Variants in DDX59 observed in about 807,000 individuals in gnomAD.
The protein encoded by DDX59 is DEAD-box helicase 59.
In DDX59, 30 loss-of-function variants were observed where a neutral mutation model predicts 51.9. That is an observed-to-expected ratio of 0.58 (90% confidence interval 0.43 to 0.78). The LOEUF (loss-of-function observed/expected upper bound fraction) is 0.78. DDX59 is among the 30% of genes least tolerant of loss of function. DDX59 has a pLI of 0.00. For missense variants in DDX59, 672 were observed against 730.8 expected, an observed-to-expected ratio of 0.92 and a Z score of 0.93; for synonymous variants, 255 against 253.3, an observed-to-expected ratio of 1.01 and a Z score of -0.06.
chr1:200,641,762 T>A (rs138701852), downstream of DDX59, among the ~76,000 whole-genome samples: 880 of 152,074 alleles, frequency 5.8e-3, 7 homozygotes, highest in African/African-American at 0.02. Context: ...CCCAGCACTT[T>A]GGGAGGTCGA....
intron 5 of DDX59, 44 bp downstream of exon 5, chr1:200,650,381 G>A (rs749066586): frequency 2.6e-6 from 4 of 1,562,660 alleles, no homozygotes; most frequent in Non-Finnish European, 3.5e-6. Context: ...TGTGAAAAAT[G>A]CAAACACAAT....
chr1:200,663,722 G>A (rs1662521593), intron 3 of DDX59, among the ~76,000 whole-genome samples, 197 bp downstream of exon 3: 1 of 150,866 alleles, frequency 6.6e-6, no homozygotes, highest in Non-Finnish European at 1.5e-5. Context: ...CATATAATGG[G>A]CACTCAATAA....
At chr1:200,665,859 A>T in intron 2 of DDX59, 78 bp downstream of exon 2, 1 of 1,433,252 alleles carries the variant, frequency 7.0e-7, no homozygotes, top group Non-Finnish European at 9.3e-7. Context: ...CAATTTTAAT[A>T]TAGTTAAAAA....
intron 7 of DDX59, among the ~76,000 whole-genome samples, 172 bp downstream of exon 7, chr1:200,648,267 G>A (rs1661422069): frequency 6.6e-6 from 1 of 152,092 alleles, no homozygotes; most frequent in South Asian, 2.1e-4. Context: ...AACTTCATGT[G>A]ATCCATCCAT....
chr1:200,649,063 G>C lies in DDX59; in HGVS notation c.1467+11C>G. The C allele has an allele frequency of 1.9e-6, 3 of 1,545,610 alleles. No homozygotes were observed. Among genetic ancestry groups the C allele is most frequent in the South Asian group, 2.5e-5 (2 of 79,106 alleles). ...TATAGAAAACAGAATATAGAATATT[G>C]GGTGTCAAACCTTCAATATGTTTTT... is the stretch of plus-strand genomic sequence containing the variant. On this transcript the variant is annotated intron_variant, in intron 6 of 7. Transcript: ENST00000331314.
intron 4 of DDX59, among the ~76,000 whole-genome samples, chr1:200,657,829 A>G (rs1662127710): frequency 6.6e-6 from 1 of 151,940 alleles, no homozygotes; most frequent in Admixed American, 6.6e-5. Context: ...AGGCAGGAGA[A>G]CCACTTGAAC....
At position 200,666,669 on chromosome 1, in the gene DDX59, T is replaced by C; in HGVS notation, c.72A>G (p.Ile24Met). ...GAAGGTCTTCTGGGTCTGGTTTAAT[T>C]ATCTTAGCCACACAACTTTTGCCAT... ...NDDGKSCVAK[I>M]IKPDPEDLQL... Residue 24 changes from isoleucine to methionine, a missense_variant, in exon 2 of 8, where the codon ATA becomes ATG. Physicochemically the swap from Ile to Met is conservative, Grantham distance 10 (BLOSUM62 1). Coordinates refer to ENST00000331314, the MANE Select transcript of DDX59 (RefSeq NM_001031725.6). 1 of 1,614,222 alleles carries C rather than the reference T, an allele frequency of 6.2e-7. No homozygotes were observed. The highest frequency in any genetic ancestry group is 8.5e-7 in the Non-Finnish European group (1 of 1,180,036).
At position 200,644,232 on chromosome 1, in the gene DDX59, AAT is replaced by A. The variant is rs777947658; in HGVS notation, c.*20_*21del. ...TTGCTGACTATATACAATAAAAAAA[AAT>A]ATTCAAGTGGCAGAGAAAATCATTT... On this transcript the variant is annotated 3_prime_UTR_variant, in exon 8 of 8. Coordinates refer to ENST00000331314, the MANE Select transcript of DDX59 (RefSeq NM_001031725.6). 1 of 1,493,352 alleles carries A rather than the reference AAT, an allele frequency of 6.7e-7. No homozygotes were observed. Among genetic ancestry groups the A allele is most frequent in the East Asian group, 2.4e-5 (1 of 41,764 alleles). The allele number at this position is 1,493,352 out of a possible 1,614,324, so 92.5% of individuals were successfully genotyped here.
At position 200,648,528 on chromosome 1, in the gene DDX59, C is replaced by T. The variant is rs774443336; in HGVS notation, c.1507G>A (p.Gly503Arg). 2.5e-6 allele frequency: 4 copies of T among 1,613,998 alleles called. No homozygotes were observed. The African/African-American group carries it at 5.3e-5, about 22-fold the overall frequency. The change falls in exon 7 of 8, where the codon GGA becomes AGA. Residue 503 changes from glycine to arginine, a missense_variant. Coordinates refer to ENST00000331314, the MANE Select transcript of DDX59 (RefSeq NM_001031725.6). ...AAGTCTAGGCCTCGTCCCAAGACTC[C>T]TGTGCTCACTACAACTTCATAGTCT... ...EGDYEVVVST[G>R]VLGRGLDLIS...
At chr1:200,665,874 A>C in intron 2 of DDX59, 63 bp downstream of exon 2, 1 of 1,488,002 alleles carries the variant, frequency 6.7e-7, no homozygotes, top group Non-Finnish European at 9.0e-7. Flanking sequence ...TAAAAATGAA[A>C]CTTGGTAAAT....
downstream of DDX59, among the ~76,000 whole-genome samples, chr1:200,643,254 C>T (rs558810847): frequency 1.4e-4 from 21 of 151,880 alleles, no homozygotes; most frequent in African/African-American, 4.6e-4. Flanking sequence ...CCACTGCACT[C>T]CAGTATAGGG....
intron 4 of DDX59, among the ~76,000 whole-genome samples, chr1:200,651,440 T>C (rs1451602686): frequency 6.6e-6 from 1 of 152,008 alleles, no homozygotes; most frequent in Admixed American, 6.6e-5. Flanking sequence ...TGGATGGAGC[T>C]CTGTGTGAGG....
At chr1:200,649,902 G>C (rs796080671) in intron 5 of DDX59, among the ~76,000 whole-genome samples, 1 of 150,550 alleles carries the variant, frequency 6.6e-6, no homozygotes, top group African/African-American at 2.4e-5. Context: ...GAGTGCAGTG[G>C]CGCAATCTCA....
chr1:200,658,005 G>A (rs952194096), intron 4 of DDX59, among the ~76,000 whole-genome samples: 2 of 152,226 alleles, frequency 1.3e-5, no homozygotes, highest in African/African-American at 4.8e-5. Context: ...TCTCATGGGA[G>A]GTGGAGTAAA....
intron 7 of DDX59, among the ~76,000 whole-genome samples, chr1:200,645,332 G>A (rs1040534078): frequency 6.6e-5 from 10 of 152,038 alleles, no homozygotes; most frequent in African/African-American, 4.8e-5. Context: ...AGGCTGGAGC[G>A]CAATGGTGCA....
chr1:200,662,772 A>C (rs1662460296), intron 3 of DDX59, among the ~76,000 whole-genome samples: 1 of 152,230 alleles, frequency 6.6e-6, no homozygotes, highest in African/African-American at 2.4e-5. Flanking sequence ...AATGAAAATA[A>C]ATTTAAGGCA....
chr1:200,658,717 T>C (rs924448161), intron 4 of DDX59, among the ~76,000 whole-genome samples: 2 of 152,088 alleles, frequency 1.3e-5, no homozygotes, highest in African/African-American at 2.4e-5. Context: ...TACTTGACAC[T>C]GACTATTTTT....
Position 200,648,443 on chromosome 1 carries a change from T to C in DDX59, c.1592A>G (p.His531Arg), listed in dbSNP as rs766119697. ...GTAACATATAAAGCTCCTTACCTGA[T>C]GGACATACTCATCCATACTTGAAGG... The part of the protein sequence containing the change: ...DMPSSMDEYV[H>R]QIGRVGRLGQ... Residue 531 changes from histidine (H) to arginine (R), a missense_variant, in exon 7 of 8, where the codon CAT becomes CGT. Coordinates refer to ENST00000331314, the MANE Select transcript of DDX59 (RefSeq NM_001031725.6). 2 of 1,614,066 alleles carry C rather than the reference T, an allele frequency of 1.2e-6. No individual in the cohort carries two copies. Among genetic ancestry groups the C allele is most frequent in the Admixed American group, 1.7e-5 (1 of 60,004 alleles).
Position 200,649,181 on chromosome 1 carries a change from T to G in DDX59, c.1360A>C (p.Lys454Gln). Residue 454 changes from lysine to glutamine, a missense_variant, in exon 6 of 8, where the codon AAA (lysine) becomes CAA (glutamine). By Grantham distance (53) the Lys-to-Gln change is moderately conservative. Coordinates refer to ENST00000331314, the MANE Select transcript of DDX59 (RefSeq NM_001031725.6). The stretch of plus-strand genomic sequence containing the variant: ...TCACTCAAAAGATCTGCTCCTAGTT[T>G]GCAGTCCACAAATACTAACACTGGA... Reference protein sequence around the residue: ...KPPVLVFVDCKLGADLLSEAV... With the variant: ...KPPVLVFVDCQLGADLLSEAV... 1.3e-6 allele frequency: 2 copies of G among 1,597,592 alleles called. No individual in the cohort carries two copies. Among genetic ancestry groups the G allele is most frequent in the Non-Finnish European group, 1.7e-6 (2 of 1,175,000 alleles).
Sources: allele counts gnomAD v4.1 joint callset (sites outside exome capture counted in the v4.1 genomes callset), GRCh38; gene constraint gnomAD v4.1.1; transcripts MANE v1.5; gene names NCBI Gene and HGNC (gene_info 2026-07-23, HGNC 2026-07-21).